Variants in MCC observed in about 807,000 individuals in gnomAD.
The protein encoded by MCC is colorectal mutant cancer protein.
MCC carries 90 observed loss-of-function variants against 116.2 expected under a neutral mutation model. That is an observed-to-expected ratio of 0.77 (90% CI 0.65 to 0.92). The LOEUF (loss-of-function observed/expected upper bound fraction) is 0.92, where lower values mean the gene tolerates loss of function less well. Among genes scored for constraint, MCC ranks in the 40% least tolerant of loss-of-function variants. MCC has a pLI of 0.00. For missense variants in MCC, 1,516 were observed against 1,312.2 expected (o/e 1.16, Z -2.40); for synonymous variants, 578 against 510.5 (o/e 1.13, Z -1.78).
intron 6 of MCC, among the ~76,000 whole-genome samples, chr5:113,110,720 G>A (rs186599983): frequency 3.3e-5 from 5 of 152,278 alleles, no homozygotes; most frequent in Admixed American, 1.3e-4. Context: ...CTCTCCCTTT[G>A]GCCAGCAGAT....
At chr5:113,293,653 T>G (rs1457782160) in intron 3 of MCC, among the ~76,000 whole-genome samples, 1 of 152,198 alleles carries the variant, frequency 6.6e-6, no homozygotes, top group Non-Finnish European at 1.5e-5. Flanking sequence ...AGCTTTAATT[T>G]CAAAGCTGGT....
chr5:113,049,426 G>A (rs1174199027), intron 15 of MCC, 127 bp from the exon 16 acceptor site: 3 of 714,070 alleles, frequency 4.2e-6, no homozygotes, highest in East Asian at 2.7e-5. Context: ...TTCTCACTTT[G>A]AAGTTGGCAG....
At chr5:113,204,059 C>G (rs1389979614) in intron 3 of MCC, among the ~76,000 whole-genome samples, 1 of 152,182 alleles carries the variant, frequency 6.6e-6, no homozygotes, top group Non-Finnish European at 1.5e-5. Context: ...TATCCACAGC[C>G]TTTCTGGGCA....
At chr5:113,294,897 C>T (rs926685153) in intron 3 of MCC, 2 of 985,440 alleles carry the variant, frequency 2.0e-6, no homozygotes, top group East Asian at 1.1e-4. Context: ...AGCGGAGCTG[C>T]ACTTCACGCC....
At chr5:113,428,244 A>G (rs73779004) in intron 1 of MCC, among the ~76,000 whole-genome samples, 17,546 of 152,118 alleles carry the variant, frequency 0.12, 1,756 homozygotes, top group African/African-American at 0.27. Flanking sequence ...AATCCCAAGT[A>G]GAAGAACGTC....
At position 113,248,787 on chromosome 5, in the gene MCC, G is replaced by C. The variant is rs541584000; in HGVS notation, c.627+91732C>G. ...GAAACAGGACAGAACAATGTTCCCT[G>C]GTTCTCAGTGCACATGCTGCATGTG... On this transcript the variant is annotated intron_variant, in intron 3 of 18. Coordinates refer to ENST00000408903, the MANE Select transcript of MCC (RefSeq NM_001085377.2). Among the ~76,000 whole-genome samples the C allele has an allele frequency of 1.1e-4, 16 of 151,666 alleles. No homozygotes were observed. In the East Asian group the frequency reaches 2.7e-3, roughly 26 times the overall value.
At chr5:113,104,011 A>T (rs1756582840) in intron 7 of MCC, among the ~76,000 whole-genome samples, 181 bp downstream of exon 7, 1 of 152,162 alleles carries the variant, frequency 6.6e-6, no homozygotes, top group African/African-American at 2.4e-5. Flanking sequence ...TTCTGAAATA[A>T]ATCAGCCCAA....
intron 15 of MCC, among the ~76,000 whole-genome samples, chr5:113,050,225 G>C (rs10052587): frequency 0.044 from 6,682 of 152,234 alleles, 512 homozygotes; most frequent in African/African-American, 0.15. Context: ...AAGCTGTCTG[G>C]TTCAGAGCTA....
chr5:113,081,129 G>T (rs545182471), intron 11 of MCC, among the ~76,000 whole-genome samples: 1 of 152,166 alleles, frequency 6.6e-6, no homozygotes, highest in East Asian at 1.9e-4. Flanking sequence ...GAGAGTAATA[G>T]GCCTCCAACT....
intron 2 of MCC, among the ~76,000 whole-genome samples, chr5:113,354,288 C>T (rs1168390101): frequency 6.6e-6 from 1 of 152,138 alleles, no homozygotes; most frequent in Non-Finnish European, 1.5e-5. Flanking sequence ...CCAACCCTAC[C>T]CTGAAGGGAT....
intron 11 of MCC, among the ~76,000 whole-genome samples, chr5:113,075,467 G>A (rs1005145527): frequency 2.9e-4 from 44 of 152,220 alleles, no homozygotes; most frequent in Non-Finnish European, 4.3e-4. Flanking sequence ...CGGTCCCAGC[G>A]CAGGATCCAC....
At chr5:113,280,280 G>T (rs1765993636) in intron 3 of MCC, among the ~76,000 whole-genome samples, 1 of 152,102 alleles carries the variant, frequency 6.6e-6, no homozygotes, top group African/African-American at 2.4e-5. Context: ...GGGTTCCAGG[G>T]GCTCACACCG....
intron 3 of MCC, among the ~76,000 whole-genome samples, chr5:113,236,397 G>A (rs1185901209): frequency 2.0e-5 from 3 of 151,994 alleles, no homozygotes; most frequent in Non-Finnish European, 2.9e-5. Flanking sequence ...GAGGATAAGA[G>A]CATGGGCTCT....
chr5:113,356,464 A>G (rs1192784528), intron 2 of MCC, among the ~76,000 whole-genome samples: 1 of 151,304 alleles, frequency 6.6e-6, no homozygotes, highest in South Asian at 2.1e-4. Flanking sequence ...GTTTGAAGGT[A>G]GCAGACCACA....
At chr5:113,028,380 ATT>A (rs67842639) in intron 18 of MCC, among the ~76,000 whole-genome samples, 9 of 150,442 alleles carry the variant, frequency 6.0e-5, no homozygotes, top group Non-Finnish European at 7.4e-5. Flanking sequence ...TAAAAATGCC[ATT>A]TTTTTTTTTG....
chr5:113,234,521 T>C (rs1351058755), intron 3 of MCC: 1 of 152,188 alleles, frequency 6.6e-6, no homozygotes, highest in Non-Finnish European at 1.5e-5. Context: ...CATCTTCCTA[T>C]GCTTCAGCAT....
chr5:113,085,038 G>T (rs534431217), intron 9 of MCC, 126 bp downstream of exon 9: 1 of 1,302,124 alleles, frequency 7.7e-7, no homozygotes. Context: ...GCCTGCGTAA[G>T]GTCCCAGGGG....
chr5:113,275,976 T>G (rs551779689), intron 3 of MCC, among the ~76,000 whole-genome samples: 16 of 144,752 alleles, frequency 1.1e-4, no homozygotes, highest in South Asian at 2.1e-4. Context: ...TTTTGTTTTT[T>G]TTTTTTTTTT....
chr5:113,151,447 T>TA (rs1212892189), intron 3 of MCC, 25 bp from the exon 4 acceptor site: 5 of 1,244,674 alleles, frequency 4.0e-6, no homozygotes, highest in Non-Finnish European at 5.9e-6. Context: ...AGGAGGAGAT[T>TA]AGAGTATTGT....
Sources: allele counts gnomAD v4.1 joint callset (sites outside exome capture counted in the v4.1 genomes callset), GRCh38; gene constraint gnomAD v4.1.1; transcripts MANE v1.5; gene names NCBI Gene and HGNC (gene_info 2026-07-23, HGNC 2026-07-21).